Variants in ACSL1 observed in about 807,000 individuals in gnomAD.
ACSL1 encodes the protein acyl-CoA synthetase long chain family member 1.
Under a neutral mutation model 98.4 loss-of-function variants are expected in ACSL1, and 41 were observed. That is an observed-to-expected ratio of 0.42 (90% CI 0.32 to 0.54). The LOEUF (loss-of-function observed/expected upper bound fraction) is 0.54. ACSL1 is among the 20% of genes least tolerant of loss of function. The pLI is 0.13. For missense variants in ACSL1, 734 were observed against 883.1 expected (o/e 0.83, Z 2.14); for synonymous variants, 316 against 322.7 (o/e 0.98, Z 0.22).
chr4:184,816,766 T>C (rs1472804616), intron 1 of ACSL1, among the ~76,000 whole-genome samples: 2 of 152,098 alleles, frequency 1.3e-5, no homozygotes, highest in Admixed American at 6.6e-5. Flanking sequence ...TCAGGTGACA[T>C]TTCTGAGGCC....
At chr4:184,791,931 A>C (rs1768443875) in intron 2 of ACSL1, among the ~76,000 whole-genome samples, 1 of 152,168 alleles carries the variant, frequency 6.6e-6, no homozygotes, top group South Asian at 2.1e-4. Context: ...ACATACAGAG[A>C]CCATATCCCT....
Position 184,803,402 on chromosome 4 carries a change from G to A in ACSL1, c.113C>T (p.Ala38Val), listed in dbSNP as rs766541655. The A allele has an allele frequency of 6.2e-7, 1 of 1,613,986 alleles. No individual in the cohort carries two copies. The highest frequency in any genetic ancestry group is 1.1e-5 in the South Asian group (1 of 91,028). The change falls in exon 2 of 21, where the codon GCA becomes GTA. Residue 38 changes from alanine (A) to valine (V), a missense_variant. By Grantham distance (64) the Ala-to-Val change is moderately conservative (BLOSUM62 0). Coordinates refer to ENST00000281455, the MANE Select transcript of ACSL1 (RefSeq NM_001995.5). The surrounding 1 kb of genome is among the most constrained non-coding windows in gnomAD (Gnocchi z 4.8). ...CGTGGCGTACCAGAAGGTGGTGAGT[G>A]CTGCAAAAGCTCCGAAGCCCATAAG... Reference protein sequence around the residue: ...NTLMGFGAFAALTTFWYATRP... With the variant: ...NTLMGFGAFAVLTTFWYATRP...
intron 5 of ACSL1, 114 bp downstream of exon 5, chr4:184,780,218 A>C: frequency 1.1e-6 from 1 of 916,306 alleles, no homozygotes. Flanking sequence ...GGTGTAACGT[A>C]AAGCTATACT....
chr4:184,810,262 G>C (rs1579958731), intron 1 of ACSL1, among the ~76,000 whole-genome samples: 1 of 152,170 alleles, frequency 6.6e-6, no homozygotes, highest in Non-Finnish European at 1.5e-5. Flanking sequence ...CCTGTACAAG[G>C]ACCCATGACT....
chr4:184,802,965 A>C (rs1166723523), intron 2 of ACSL1, among the ~76,000 whole-genome samples: 2 of 152,110 alleles, frequency 1.3e-5, no homozygotes, highest in Non-Finnish European at 2.9e-5. Flanking sequence ...GAAAACTCTC[A>C]TTCCTGCCAG....
intron 11 of ACSL1, among the ~76,000 whole-genome samples, chr4:184,769,366 T>G (rs1216758968): frequency 6.6e-6 from 1 of 152,102 alleles, no homozygotes; most frequent in African/African-American, 2.4e-5. Context: ...TATTTTAAAA[T>G]TTAAAAAGAA....
At chr4:184,782,629 G>C (rs1766501397) in intron 4 of ACSL1, among the ~76,000 whole-genome samples, 1 of 152,120 alleles carries the variant, frequency 6.6e-6, no homozygotes, top group South Asian at 2.1e-4. Context: ...GAGGGATCCT[G>C]GAAACTACTA....
intron 1 of ACSL1, among the ~76,000 whole-genome samples, chr4:184,824,100 G>A (rs747674337): frequency 6.6e-6 from 1 of 152,106 alleles, no homozygotes; most frequent in African/African-American, 2.4e-5. Flanking sequence ...ATGCCAAAAT[G>A]CTTATAATTG....
rs764495068 is a variant in ACSL1 at position 184,757,784 on chromosome 4, A to C, written c.1884+35T>G. On this transcript the variant is annotated intron_variant, in intron 19 of 20. Transcript: ENST00000281455. The surrounding 1 kb of genome is among the most constrained non-coding windows in gnomAD (Gnocchi z 4.5). ...CTACAGGTACATTTAATGCCAAGTT[A>C]TGATGAGGACAGACTGGACCCTTCA... The C allele has an allele frequency of 6.2e-7, 1 of 1,612,018 alleles. No homozygotes were observed. Among genetic ancestry groups the C allele is most frequent in the Admixed American group, 1.7e-5 (1 of 60,012 alleles).
chr4:184,780,317 C>A lies in ACSL1; in HGVS notation c.477+15G>T. The A allele has an allele frequency of 6.2e-7, 1 of 1,604,640 alleles. No individual in the cohort carries two copies. Among genetic ancestry groups the A allele is most frequent in the Non-Finnish European group, 8.5e-7 (1 of 1,173,552 alleles). On this transcript the variant is annotated intron_variant, in intron 5 of 20. Transcript: ENST00000281455. ...TTCTCAAAATCATGCATAGCAAGTA[C>A]CTACTGGTTCATACCTCAGGTCTAT...
rs759636111 is a variant in ACSL1, at chr4:184,803,490, A to G, written c.25T>C (p.Tyr9His). The change falls in exon 2 of 21, where the codon TAT becomes CAT. Residue 9 changes from tyrosine to histidine, a missense_variant. Tyr to His is a moderately conservative substitution (Grantham distance 83, BLOSUM62 2). Transcript: ENST00000281455. The surrounding 1 kb of genome is among the most constrained non-coding windows in gnomAD (Gnocchi z 4.8). Reference sequence around the variant, plus strand: ...TCAACCAGCTCTGGCATTCGAAAATACCGGAACAGCTCATGGGCTTGCATT... The same window carrying G: ...TCAACCAGCTCTGGCATTCGAAAATGCCGGAACAGCTCATGGGCTTGCATT... MQAHELFRYFRMPELVDFR... is the reference protein window; with the variant it reads MQAHELFRHFRMPELVDFR... 6.2e-7 allele frequency: 1 copy of G among 1,602,152 alleles called. No homozygotes were observed. Among genetic ancestry groups the G allele is most frequent in the Admixed American group, 1.7e-5 (1 of 58,594 alleles).
intron 1 of ACSL1, among the ~76,000 whole-genome samples, chr4:184,810,819 C>T (rs75667435): frequency 1.7e-4 from 26 of 152,282 alleles, no homozygotes; most frequent in East Asian, 7.7e-4. Flanking sequence ...AAGCACTTGC[C>T]GTGTGTCAGG....
intron 11 of ACSL1, among the ~76,000 whole-genome samples, chr4:184,768,854 G>A (rs1458675013): frequency 6.6e-6 from 1 of 152,102 alleles, no homozygotes; most frequent in East Asian, 1.9e-4. Context: ...TGGATCACTT[G>A]AGGTCAGGAG....
chr4:184,783,951 G>A lies in ACSL1; in HGVS notation c.351C>T (p.Pro117=). The change falls in exon 4 of 21, where the codon CCC becomes CCT. Residue 117 remains proline, a synonymous_variant. Coordinates refer to ENST00000281455, the MANE Select transcript of ACSL1 (RefSeq NM_001995.5). ...CCTGTTTATATGAAAGCCATTCATA[G>A]GGTTGGTCTGGTTTCCGAGAGCCTA... The part of the protein sequence containing the change: ...PCLGSRKPDQ[P]YEWLSYKQVA... 6.2e-7 allele frequency: 1 copy of A among 1,613,972 alleles called. No homozygotes were observed. Among genetic ancestry groups the A allele is most frequent in the Non-Finnish European group, 8.5e-7 (1 of 1,179,914 alleles).
intron 7 of ACSL1, 90 bp downstream of exon 7, chr4:184,776,393 AC>A (rs1320341931): frequency 1.4e-6 from 2 of 1,420,216 alleles, no homozygotes. Context: ...CTGGGACTGC[AC>A]CATAGCACTA....
intron 4 of ACSL1, among the ~76,000 whole-genome samples, chr4:184,781,755 AC>A (rs1766307546): frequency 1.3e-5 from 2 of 152,216 alleles, no homozygotes; most frequent in South Asian, 4.2e-4. Context: ...GATTACAGGC[AC>A]CTGCCACCAC....
chr4:184,800,704 C>A (rs1770346569), intron 2 of ACSL1, among the ~76,000 whole-genome samples: 1 of 152,208 alleles, frequency 6.6e-6, no homozygotes, highest in African/African-American at 2.4e-5. Context: ...GGACGTGGTT[C>A]TCCAGACAGG....
intron 16 of ACSL1, 57 bp from the exon 17 acceptor site, chr4:184,762,580 C>G: frequency 6.8e-7 from 1 of 1,473,816 alleles, no homozygotes; most frequent in South Asian, 1.1e-5. Context: ...CCAGAGAAAA[C>G]TGGTGTGTGC....
intron 2 of ACSL1, chr4:184,798,957 C>T (rs1331130650): frequency 6.6e-6 from 1 of 152,268 alleles, no homozygotes; most frequent in Non-Finnish European, 1.5e-5. Context: ...ATCTCTCAAA[C>T]TCTGATAGGT....
Sources: allele counts gnomAD v4.1 joint callset (sites outside exome capture counted in the v4.1 genomes callset), GRCh38; gene constraint gnomAD v4.1.1; non-coding constraint Gnocchi (gnomAD v3.1); transcripts MANE v1.5; gene names NCBI Gene and HGNC (gene_info 2026-07-23, HGNC 2026-07-21).